Variants in POLR2M observed in about 807,000 individuals in gnomAD.
POLR2M encodes RNA polymerase II subunit M.
Under a neutral mutation model 34.6 loss-of-function variants are expected in POLR2M, and 30 were observed. The ratio of observed to expected loss-of-function variants is 0.87; its 90% CI spans 0.65 to 1.18. POLR2M has a LOEUF of 1.18. Ranked by LOEUF, POLR2M falls within the 50% of genes most tolerant of loss-of-function variation. POLR2M has a pLI of 0.00. For synonymous variants in POLR2M, 150 were observed against 166.7 expected, an observed-to-expected ratio of 0.90 and a Z score of 0.77; for missense variants, 432 against 448.7, an observed-to-expected ratio of 0.96 and a Z score of 0.34.
At chr15:57,711,278 C>G (rs2040701466) in intron 2 of POLR2M, among the ~76,000 whole-genome samples, 2 of 152,194 alleles carry the variant, frequency 1.3e-5, no homozygotes, top group African/African-American at 4.8e-5. Context: ...TCATCTCTCT[C>G]GGGCTGTAAT....
intron 3 of POLR2M, among the ~76,000 whole-genome samples, chr15:57,713,421 T>C (rs1314857041): frequency 7.1e-6 from 1 of 140,590 alleles, no homozygotes; most frequent in Non-Finnish European, 1.5e-5. Context: ...AAACCCTTCA[T>C]CTTTAAATTG....
chr15:57,714,089 C>T lies in POLR2M; in HGVS notation c.964-447C>T, dbSNP rs190884138. 3.9e-3 allele frequency among the ~76,000 whole-genome samples: 590 copies of T among 152,018 alleles called. 3 individuals are homozygous for T. The South Asian group carries it at 0.04, about 10-fold the overall frequency. The stretch of plus-strand genomic sequence containing the variant: ...GTCTCGATCTCCTGACCTCGTGATC[C>T]GCCTGCCTCAGCTTCCCAAAGTGCT... On this transcript the variant is annotated intron_variant, in intron 3 of 3. Coordinates refer to ENST00000299638, the MANE Select transcript of POLR2M (RefSeq NM_015532.5).
At chr15:57,710,067 C>T (rs542781358) in intron 2 of POLR2M, among the ~76,000 whole-genome samples, 2 of 152,190 alleles carry the variant, frequency 1.3e-5, no homozygotes, top group African/African-American at 4.8e-5. Flanking sequence ...TAATGTAATA[C>T]AATACCATGT....
At chr15:57,712,321 T>A in intron 3 of POLR2M, 133 bp downstream of exon 3, 1 of 1,061,516 alleles carries the variant, frequency 9.4e-7, no homozygotes, top group Non-Finnish European at 1.3e-6. Context: ...TCTATGCCAC[T>A]AGTTTTCAGA....
chr15:57,706,938 G>A lies in POLR2M; in HGVS notation c.96G>A (p.Glu32=). ...VELREMLKRQ[E]RLLRNEKFIC... is the part of the protein sequence containing the mutation. ...TGCGGGAAATGTTGAAGCGCCAGGAGAGACTTTTGCGCAACGAGTAAGCTG... is the reference window on the plus strand; with the variant it reads ...TGCGGGAAATGTTGAAGCGCCAGGAAAGACTTTTGCGCAACGAGTAAGCTG... Residue 32 remains glutamate, a synonymous_variant, in exon 1 of 4, where the codon GAG becomes GAA. Transcript: ENST00000299638. 1.2e-6 allele frequency: 2 copies of A among 1,603,284 alleles called. No homozygotes were observed. The highest frequency in any genetic ancestry group is 3.4e-5 in the Admixed American group (2 of 58,632).
intron 2 of POLR2M, among the ~76,000 whole-genome samples, chr15:57,710,713 G>C (rs2140823055): frequency 6.6e-6 from 1 of 152,280 alleles, no homozygotes; most frequent in South Asian, 2.1e-4. Flanking sequence ...AGAGGTAAGG[G>C]AATAGTGAAG....
At chr15:57,708,459 C>T (rs1294331201) in intron 1 of POLR2M, among the ~76,000 whole-genome samples, 1 of 152,158 alleles carries the variant, frequency 6.6e-6, no homozygotes, top group South Asian at 2.1e-4. Flanking sequence ...GCTTAAAATA[C>T]TTTTGCTGAA....
In POLR2M at chr15:57,712,184, A is replaced by G. The variant is rs545363497; in HGVS notation, c.959A>G (p.Tyr320Cys). ...CTTCAGAAACAGCAGAAACAGAATT[A>G]TGAGGTATTTAGAGTATTTTTTTTC... ...LALQKQQKQN[Y>C]EEMQAKLAAQ... Residue 320 changes from tyrosine (Y) to cysteine (C), a missense_variant, in exon 3 of 4, where the codon TAT becomes TGT. Coordinates refer to ENST00000299638, the MANE Select transcript of POLR2M (RefSeq NM_015532.5). 1.2e-6 allele frequency: 2 copies of G among 1,614,112 alleles called. No individual in the cohort carries two copies. Among genetic ancestry groups the G allele is most frequent in the East Asian group, 2.2e-5 (1 of 44,876 alleles).
intron 1 of POLR2M, among the ~76,000 whole-genome samples, chr15:57,708,020 A>G (rs2040561234): frequency 6.6e-6 from 1 of 152,208 alleles, no homozygotes; most frequent in Admixed American, 6.5e-5. Context: ...CAAATAAATA[A>G]TTGGTTGGGA....
chr15:57,709,629 C>CT (rs1171106260), intron 2 of POLR2M, among the ~76,000 whole-genome samples: 7 of 152,174 alleles, frequency 4.6e-5, no homozygotes, highest in African/African-American at 1.7e-4. Flanking sequence ...TGTGGCAACA[C>CT]TGAGACCAGC....
intron 1 of POLR2M, chr15:57,707,564 C>T (rs1433813738): frequency 4.3e-6 from 2 of 460,462 alleles, no homozygotes; most frequent in Non-Finnish European, 8.7e-6. Context: ...CCACGAGACA[C>T]TTGTAAGAAA....
rs756717048 is a variant in POLR2M at position 57,714,670 on chromosome 15, T to C, written c.1098T>C (p.Asp366=). ...ATGAAGATGACGATTGGTCCTCTGA[T>C]GAATTCTGAAGATAATCTCCTAAAT... ...VRDEDDDWSS[D]EF is the part of the protein sequence containing the mutation. Residue 366 remains aspartate (D), a synonymous_variant, in exon 4 of 4, where the codon GAT becomes GAC. Coordinates refer to ENST00000299638, the MANE Select transcript of POLR2M (RefSeq NM_015532.5). The C allele has an allele frequency of 5.6e-6, 9 of 1,611,082 alleles. No homozygotes were observed. In the South Asian group the frequency reaches 7.7e-5, roughly 14 times the overall value.
Position 57,717,096 on chromosome 15 carries a change from G to C in POLR2M, c.*2417G>C, listed in dbSNP as rs1353889726. On this transcript the variant is annotated 3_prime_UTR_variant, in exon 4 of 4. Coordinates refer to ENST00000299638, the MANE Select transcript of POLR2M (RefSeq NM_015532.5). ...AAGAATTTACCAATTGGTTCAGTAT[G>C]TGAAACCACCATTTCCCCTCTGATT... 1 of 152,142 alleles carries C rather than the reference G, an allele frequency of 6.6e-6. No individual in the cohort carries two copies. Among genetic ancestry groups the C allele is most frequent in the East Asian group, 1.9e-4 (1 of 5,202 alleles). 9.4% of individuals were successfully genotyped at this position (152,142 alleles called of 1,614,324 possible).
At chr15:57,707,333 G>A (rs1419414929) in intron 1 of POLR2M, 1 of 725,594 alleles carries the variant, frequency 1.4e-6, no homozygotes, top group East Asian at 2.7e-5. Flanking sequence ...AAGCTTACAG[G>A]AACCGTAGGA....
At position 57,715,702 on chromosome 15, in the gene POLR2M, A is replaced by T. The variant is rs1595991384; in HGVS notation, c.*1023A>T. ...AACGTTCATGTCATTTTAGAGGATT[A>T]TATGGTTGTCTCCAGAGAAATTAAC... On this transcript the variant is annotated 3_prime_UTR_variant, in exon 4 of 4. Transcript: ENST00000299638. The T allele has an allele frequency of 1.3e-5, 2 of 152,296 alleles. No homozygotes were observed. Among genetic ancestry groups the T allele is most frequent in the African/African-American group, 4.8e-5 (2 of 41,568 alleles). The allele number at this position is 152,296 out of a possible 1,614,324, so 9.4% of individuals were successfully genotyped here.
At chr15:57,713,853 T>C (rs1287863510) in intron 3 of POLR2M, among the ~76,000 whole-genome samples, 2 of 42,664 alleles carry the variant, frequency 4.7e-5, no homozygotes, top group African/African-American at 1.2e-4. Context: ...TTTTTTTTTT[T>C]TTTTTTGAGA....
rs2040875201 is a variant in POLR2M, at chr15:57,714,680, AG to A, written c.*2del. 6.2e-7 allele frequency: 1 copy of A among 1,610,368 alleles called. No individual in the cohort carries two copies. Among genetic ancestry groups the A allele is most frequent in the Admixed American group, 1.7e-5 (1 of 59,576 alleles). On this transcript the variant is annotated 3_prime_UTR_variant, in exon 4 of 4. Coordinates refer to ENST00000299638, the MANE Select transcript of POLR2M (RefSeq NM_015532.5). ...CGATTGGTCCTCTGATGAATTCTGA[AG>A]ATAATCTCCTAAATCACTGACGTTG...
chr15:57,717,539 A>C lies in POLR2M; in HGVS notation c.*2860A>C, dbSNP rs1441998860. On this transcript the variant is annotated 3_prime_UTR_variant, in exon 4 of 4. Transcript: ENST00000299638. ...ATTTTGCTCACTTTTGACTTATATA[A>C]AAATAGAATAATACTATATGTCGTG... The C allele has an allele frequency of 1.3e-5, 2 of 152,230 alleles. No homozygotes were observed. The highest frequency in any genetic ancestry group is 4.8e-5 in the African/African-American group (2 of 41,444). The allele number at this position is 152,230 out of a possible 1,614,324, so 9.4% of individuals were successfully genotyped here. A position where few individuals can be genotyped will look rare whatever the true frequency, so the allele number is the denominator to read the frequency against.
intron 3 of POLR2M, 48 bp from the exon 4 acceptor site, chr15:57,714,483 TGTAAG>T: frequency 6.3e-7 from 1 of 1,596,888 alleles, no homozygotes; most frequent in Non-Finnish European, 8.5e-7. Context: ...ATTGAAAAAT[TGTAAG>T]GAAGAGATGT....
Sources: allele counts gnomAD v4.1 joint callset (sites outside exome capture counted in the v4.1 genomes callset), GRCh38; gene constraint gnomAD v4.1.1; transcripts MANE v1.5; gene names NCBI Gene and HGNC (gene_info 2026-07-23, HGNC 2026-07-21).